DOCK3: variants seen among roughly 807,000 people sequenced by gnomAD.
DOCK3 encodes dedicator of cytokinesis protein 3.
A neutral mutation model predicts 265.6 loss-of-function variants in DOCK3; 60 were observed. The observed-to-expected ratio is 0.23, with a 90% CI of 0.18 to 0.28. The LOEUF (loss-of-function observed/expected upper bound fraction) is 0.28, where lower values mean the gene tolerates loss of function less well. Among genes scored for constraint, DOCK3 ranks in the 10% least tolerant of loss-of-function variants. The pLI is 1.00. For synonymous variants in DOCK3, 881 were observed against 938.0 expected, an observed-to-expected ratio of 0.94 and a Z score of 1.11; for missense variants, 1,981 against 2,594.3, an observed-to-expected ratio of 0.76 and a Z score of 5.14.
At chr3:51,333,392 A>G (rs540352277) in intron 35 of DOCK3, 139 bp downstream of exon 35, 22 of 864,882 alleles carry the variant, frequency 2.5e-5, no homozygotes, top group African/African-American at 9.9e-5. Context: ...TCACCAGTCA[A>G]TAGGAATCTG....
rs73085250 is a variant in DOCK3 at position 51,029,100 on chromosome 3, C to T, written c.316-35348C>T. 3.1e-3 allele frequency among the ~76,000 whole-genome samples: 473 copies of T among 151,922 alleles called. 1 individual carries two copies. Among genetic ancestry groups the T allele is most frequent in the Non-Finnish European group, 4.9e-3 (335 of 67,984 alleles). On this transcript the variant is annotated intron_variant, in intron 5 of 52. Coordinates refer to ENST00000266037, the MANE Select transcript of DOCK3 (RefSeq NM_004947.5). ...TTTTTGATTTTTTATTCTTCTTTCC[C>T]TTGAGGATATGACTGTGCTGTATGT...
chr3:50,696,824 ATC>A, intron 1 of DOCK3, among the ~76,000 whole-genome samples: 1 of 152,126 alleles, frequency 6.6e-6, no homozygotes, highest in African/African-American at 2.4e-5. Flanking sequence ...CAGGTTAAGA[ATC>A]TCTACTTTAA....
intron 5 of DOCK3, among the ~76,000 whole-genome samples, chr3:51,033,971 C>T (rs1279663640): frequency 3.9e-5 from 6 of 152,056 alleles, no homozygotes; most frequent in Non-Finnish European, 8.8e-5. Context: ...GTTCTTTTTT[C>T]AGTTTTACAG....
chr3:50,953,496 A>G (rs2076647332), intron 5 of DOCK3, among the ~76,000 whole-genome samples: 1 of 152,166 alleles, frequency 6.6e-6, no homozygotes, highest in South Asian at 2.1e-4. Flanking sequence ...TAGGAACAGG[A>G]AAGGTTCATT....
intron 1 of DOCK3, among the ~76,000 whole-genome samples, chr3:50,725,622 T>C (rs781725137): frequency 2.0e-5 from 3 of 152,140 alleles, no homozygotes; most frequent in Non-Finnish European, 4.4e-5. Flanking sequence ...ACAAGGGTAT[T>C]GTGGCACTTT....
At chr3:50,787,161 T>C in intron 2 of DOCK3, 1 of 665,234 alleles carries the variant, frequency 1.5e-6, no homozygotes, top group Non-Finnish European at 2.8e-6. Flanking sequence ...AAGATATAGC[T>C]CACTTTCCAG....
intron 12 of DOCK3, among the ~76,000 whole-genome samples, chr3:51,206,010 C>T (rs1280721423): frequency 6.6e-6 from 1 of 152,218 alleles, no homozygotes; most frequent in Non-Finnish European, 1.5e-5. Context: ...CATTGGTGCT[C>T]CCATCCTCCT....
At chr3:51,292,865 G>C (rs1424246432) in intron 27 of DOCK3, among the ~76,000 whole-genome samples, 3 of 152,028 alleles carry the variant, frequency 2.0e-5, no homozygotes, top group Non-Finnish European at 4.4e-5. Flanking sequence ...TTTTTTGGTA[G>C]AGATGGGGTT....
chr3:50,901,911 C>G (rs1413899979), intron 4 of DOCK3, among the ~76,000 whole-genome samples: 1 of 152,170 alleles, frequency 6.6e-6, no homozygotes, highest in Non-Finnish European at 1.5e-5. Flanking sequence ...GGAGCTGTTC[C>G]TATTCGGCCA....
chr3:51,134,016 T>G (rs1174672484), intron 9 of DOCK3, among the ~76,000 whole-genome samples: 1 of 152,156 alleles, frequency 6.6e-6, no homozygotes, highest in Non-Finnish European at 1.5e-5. Flanking sequence ...CACTTACAAG[T>G]GAGAACATGT....
intron 1 of DOCK3, among the ~76,000 whole-genome samples, chr3:50,748,404 G>A (rs2039588231): frequency 6.6e-6 from 1 of 152,100 alleles, no homozygotes; most frequent in African/African-American, 2.4e-5. Context: ...ACACTGGGTG[G>A]GGAAAGACAA....
chr3:51,057,312 C>T (rs552222532), intron 5 of DOCK3, among the ~76,000 whole-genome samples: 38 of 152,302 alleles, frequency 2.5e-4, no homozygotes, highest in African/African-American at 9.1e-4. Context: ...CTTCAGTGTA[C>T]TTTCCAAATA....
At chr3:50,736,931 A>C (rs2038668202) in intron 1 of DOCK3, among the ~76,000 whole-genome samples, 1 of 151,990 alleles carries the variant, frequency 6.6e-6, no homozygotes, top group East Asian at 1.9e-4. Context: ...TGACCTCGTG[A>C]TCCACCCGCC....
intron 40 of DOCK3, among the ~76,000 whole-genome samples, chr3:51,351,777 C>T (rs1196055743): frequency 6.6e-6 from 1 of 152,026 alleles, no homozygotes; most frequent in Non-Finnish European, 1.5e-5. Context: ...CTACCTCAGC[C>T]TCCCGAGTGG....
intron 37 of DOCK3, among the ~76,000 whole-genome samples, chr3:51,340,429 C>T (rs1396921360): frequency 6.6e-6 from 1 of 152,126 alleles, no homozygotes; most frequent in Admixed American, 6.5e-5. Flanking sequence ...GGCAAAAAGG[C>T]AAGGATGAGG....
intron 5 of DOCK3, among the ~76,000 whole-genome samples, chr3:50,988,547 G>T (rs1258732414): frequency 6.6e-6 from 1 of 152,190 alleles, no homozygotes; most frequent in Non-Finnish European, 1.5e-5. Flanking sequence ...TGGTGAGATT[G>T]CTTTTTTAAG....
chr3:51,095,683 A>G (rs939065017), intron 9 of DOCK3, among the ~76,000 whole-genome samples: 14 of 151,548 alleles, frequency 9.2e-5, no homozygotes, highest in Non-Finnish European at 1.9e-4. Flanking sequence ...TATTTGTTTT[A>G]AAGCTTTTCA....
chr3:51,085,654 G>A (rs2082392190), intron 7 of DOCK3, among the ~76,000 whole-genome samples: 1 of 152,108 alleles, frequency 6.6e-6, no homozygotes, highest in Non-Finnish European at 1.5e-5. Flanking sequence ...TCCAAATTCT[G>A]TGAGATATGG....
In DOCK3 at chr3:51,020,332, G is replaced by A. The variant is rs139612530; in HGVS notation, c.316-44116G>A. ...TAGTGGGGTTGTTTGTTTTTTTCTC[G>A]TAAGTTTGTTTGAGTTCCTTATAGA... On this transcript the variant is annotated intron_variant, in intron 5 of 52. Coordinates refer to ENST00000266037, the MANE Select transcript of DOCK3 (RefSeq NM_004947.5). 2.4e-4 allele frequency among the ~76,000 whole-genome samples: 37 copies of A among 151,488 alleles called. No individual in the cohort carries two copies. The East Asian group carries it at 5.6e-3, about 23-fold the overall frequency.
Sources: gnomAD v4.1 joint callset for allele counts (sites outside exome capture counted in the v4.1 genomes callset) on GRCh38, gnomAD v4.1.1 for gene constraint, MANE v1.5 for transcripts, NCBI Gene and HGNC (gene_info 2026-07-23, HGNC 2026-07-21) for gene names.